SIMC1: variants seen among roughly 807,000 people sequenced by gnomAD.
SIMC1 encodes SUMO-interacting motif-containing protein 1.
SIMC1 carries 55 observed loss-of-function variants against 82.3 expected under a neutral mutation model. The ratio of observed to expected loss-of-function variants is 0.67; its 90% CI spans 0.54 to 0.84. The LOEUF (loss-of-function observed/expected upper bound fraction) is 0.84. Ranked by LOEUF, SIMC1 falls within the 40% of genes least tolerant of loss-of-function variation. The pLI is 0.00. For synonymous variants in SIMC1, 353 were observed against 426.3 expected (o/e 0.83, Z 2.12); for missense variants, 915 against 1,107.2 (o/e 0.83, Z 2.46).
intron 7 of SIMC1, among the ~76,000 whole-genome samples, chr5:176,332,384 G>A (rs1688383688): frequency 1.3e-5 from 2 of 152,094 alleles, no homozygotes; most frequent in South Asian, 2.1e-4. Context: ...TCCGCCTCCC[G>A]GGTTCAAGAG....
At chr5:176,249,446 A>G (rs1561669887) in intron 1 of SIMC1, among the ~76,000 whole-genome samples, 1 of 152,002 alleles carries the variant, frequency 6.6e-6, no homozygotes, top group Non-Finnish European at 1.5e-5. Flanking sequence ...ATCAGTGGCG[A>G]TATCCCCTTT....
chr5:176,320,440 T>G (rs921076443), intron 5 of SIMC1, among the ~76,000 whole-genome samples: 3 of 152,080 alleles, frequency 2.0e-5, no homozygotes, highest in Non-Finnish European at 4.4e-5. Context: ...CGATCACAGC[T>G]CACTGCAGCT....
chr5:176,277,708 C>T (rs947331574), intron 1 of SIMC1, among the ~76,000 whole-genome samples: 6 of 152,008 alleles, frequency 3.9e-5, no homozygotes, highest in Non-Finnish European at 8.8e-5. Flanking sequence ...ACTAGGGAAT[C>T]CTTTCCCCAT....
At chr5:176,343,303 C>T (rs1247456689) in intron 9 of SIMC1, among the ~76,000 whole-genome samples, 2 of 152,048 alleles carry the variant, frequency 1.3e-5, no homozygotes, top group Non-Finnish European at 2.9e-5. Flanking sequence ...TGCCATCATC[C>T]CCGTTTGATA....
intron 4 of SIMC1, among the ~76,000 whole-genome samples, chr5:176,309,501 C>G: frequency 6.6e-6 from 1 of 151,946 alleles, no homozygotes; most frequent in Non-Finnish European, 1.5e-5. Context: ...AAAGCATATC[C>G]GTAAAAGATA....
At chr5:176,249,224 T>A (rs964069166) in intron 1 of SIMC1, among the ~76,000 whole-genome samples, 2 of 152,126 alleles carry the variant, frequency 1.3e-5, no homozygotes, top group African/African-American at 4.8e-5. Context: ...TGTGAATCCG[T>A]CTGGTCCTGG....
chr5:176,290,310 T>C lies in SIMC1; in HGVS notation c.786T>C (p.Thr262=), dbSNP rs1763494665. 6.2e-7 allele frequency: 1 copy of C among 1,612,484 alleles called. No homozygotes were observed. Among genetic ancestry groups the C allele is most frequent in the Non-Finnish European group, 8.5e-7 (1 of 1,179,758 alleles). Reference sequence around the variant, plus strand: ...TGCAGTGCCAACTACCAGCTCTAACTCACCCACCTCAAGAAGTGCCATGCC... The same window carrying C: ...TGCAGTGCCAACTACCAGCTCTAACCCACCCACCTCAAGAAGTGCCATGCC... ...QTMQCQLPAL[T]HPPQEVPCPR... Residue 262 remains threonine, a synonymous_variant, in exon 2 of 10, where the codon ACT becomes ACC. Coordinates refer to ENST00000429602, the MANE Select transcript of SIMC1 (RefSeq NM_001308195.2).
chr5:176,266,181 T>C (rs989443920), intron 1 of SIMC1, among the ~76,000 whole-genome samples: 12 of 152,102 alleles, frequency 7.9e-5, no homozygotes, highest in African/African-American at 2.9e-4. Context: ...GTGATATCTG[T>C]GACTTTGCGG....
intron 7 of SIMC1, among the ~76,000 whole-genome samples, chr5:176,334,686 A>AG (rs1765809124): frequency 6.6e-6 from 1 of 152,186 alleles, no homozygotes; most frequent in African/African-American, 2.4e-5. Flanking sequence ...CTGCCCAAGA[A>AG]GCCCCCTCTC....
intron 7 of SIMC1, among the ~76,000 whole-genome samples, chr5:176,325,724 TA>T (rs1765366650): frequency 6.6e-6 from 1 of 151,864 alleles, no homozygotes; most frequent in South Asian, 2.1e-4. Flanking sequence ...ATTAATTAAA[TA>T]AATAATAAAA....
intron 1 of SIMC1, among the ~76,000 whole-genome samples, chr5:176,283,632 C>T (rs996258191): frequency 2.1e-4 from 32 of 152,168 alleles, no homozygotes; most frequent in African/African-American, 7.2e-4. Flanking sequence ...AGCAAACTAA[C>T]CAGCTAACAT....
chr5:176,335,376 A>C (rs1765847778), intron 7 of SIMC1, among the ~76,000 whole-genome samples: 1 of 146,312 alleles, frequency 6.8e-6, no homozygotes, highest in Non-Finnish European at 1.5e-5. Context: ...TCCCAGGTTC[A>C]AGCGATTCTC....
At chr5:176,271,679 A>G (rs907677900) in intron 1 of SIMC1, among the ~76,000 whole-genome samples, 3 of 151,582 alleles carry the variant, frequency 2.0e-5, no homozygotes, top group Admixed American at 6.6e-5. Flanking sequence ...AGGTGACTAC[A>G]GTAAGCAATA....
intron 2 of SIMC1, among the ~76,000 whole-genome samples, chr5:176,291,987 C>T (rs1288861912): frequency 1.1e-4 from 17 of 152,074 alleles, no homozygotes; most frequent in Non-Finnish European, 2.9e-5. Flanking sequence ...ATCTGGGAGG[C>T]GGAGGTTGCA....
chr5:176,248,740 G>T (rs1761539918), intron 1 of SIMC1, among the ~76,000 whole-genome samples: 1 of 152,060 alleles, frequency 6.6e-6, no homozygotes, highest in South Asian at 2.1e-4. Flanking sequence ...TTGGCTGTGG[G>T]TTTGTCATAA....
In SIMC1 at chr5:176,305,116, G is replaced by A. The variant is rs1332215599; in HGVS notation, c.1735-8575G>A. Among the ~76,000 whole-genome samples the A allele has an allele frequency of 2.1e-5, 3 of 143,124 alleles. 1 individual carries two copies. Among genetic ancestry groups the A allele is most frequent in the Non-Finnish European group, 4.6e-5 (3 of 64,938 alleles). The allele number at this position is 143,124 out of a possible 152,430, so 93.9% of individuals were successfully genotyped here. A position where few individuals can be genotyped will look rare whatever the true frequency, so the allele number is the denominator to read the frequency against. ...AGGTGGGGGGTCAGCCCCGACGCCC[G>A]GCCAGCCGTGCCATCCAGGAGGGGG... is the stretch of plus-strand genomic sequence containing the variant. On this transcript the variant is annotated intron_variant, in intron 4 of 9. Coordinates refer to ENST00000429602, the MANE Select transcript of SIMC1 (RefSeq NM_001308195.2).
chr5:176,306,980 A>G lies in SIMC1; in HGVS notation c.1735-6711A>G, dbSNP rs537997073. ...CAACAACAAATGAATAACCCAATTTAAAAATGGGCAGAGGACTTATATAGA... is the reference window on the plus strand; with the variant it reads ...CAACAACAAATGAATAACCCAATTTGAAAATGGGCAGAGGACTTATATAGA... On this transcript the variant is annotated intron_variant, in intron 4 of 9. Coordinates refer to ENST00000429602, the MANE Select transcript of SIMC1 (RefSeq NM_001308195.2). Among the ~76,000 whole-genome samples, 10 of 152,320 alleles carry G rather than the reference A, an allele frequency of 6.6e-5. No individual in the cohort carries two copies. The South Asian group carries it at 1.7e-3, about 25-fold the overall frequency.
intron 7 of SIMC1, among the ~76,000 whole-genome samples, chr5:176,329,912 T>C (rs1246740622): frequency 6.6e-6 from 1 of 152,170 alleles, no homozygotes; most frequent in African/African-American, 2.4e-5. Flanking sequence ...TGGTTTCTAA[T>C]AAATATAGAG....
intron 1 of SIMC1, among the ~76,000 whole-genome samples, chr5:176,265,581 T>G (rs1762175256): frequency 6.6e-6 from 1 of 152,080 alleles, no homozygotes; most frequent in Admixed American, 6.6e-5. Flanking sequence ...CCTCACAATG[T>G]CTGAAAATAG....
Sources: allele counts gnomAD v4.1 joint callset (sites outside exome capture counted in the v4.1 genomes callset), GRCh38; gene constraint gnomAD v4.1.1; transcripts MANE v1.5; gene names NCBI Gene and HGNC (gene_info 2026-07-23, HGNC 2026-07-21).